MACF1: variants seen among roughly 807,000 people sequenced by gnomAD.
The protein encoded by MACF1 is microtubule actin crosslinking factor 1, also known as microtubule-actin cross-linking factor 1.
In MACF1, 193 loss-of-function variants were observed where a neutral mutation model predicts 854.8. That is an observed-to-expected ratio of 0.23 (90% CI 0.20 to 0.25). The LOEUF (loss-of-function observed/expected upper bound fraction) is 0.25. Among genes scored for constraint, MACF1 ranks in the 10% least tolerant of loss-of-function variants. MACF1 has a pLI of 1.00. For synonymous variants in MACF1, 3,185 were observed against 3,226.7 expected (o/e 0.99, Z 0.44); for missense variants, 7,722 against 8,929.1 (o/e 0.86, Z 5.45).
At chr1:39,407,069 C>G (rs1487794962) in intron 58 of MACF1, among the ~76,000 whole-genome samples, 6 of 152,170 alleles carry the variant, frequency 3.9e-5, no homozygotes, top group Admixed American at 3.9e-4. Context: ...TTCATCTGAA[C>G]AAACTGCAGA....
At chr1:39,477,090 T>TATATATATATACAC (rs1350608847) in intron 97 of MACF1, among the ~76,000 whole-genome samples, 2 of 26,256 alleles carry the variant, frequency 7.6e-5, no homozygotes, top group African/African-American at 1.3e-4. Context: ...TATATATATA[T>TATATATATATACAC]ACACACACAC....
At chr1:39,388,722 C>CAGTCAAG (rs1641893992) in intron 58 of MACF1, 64 bp downstream of exon 58, 1 of 1,430,844 alleles carries the variant, frequency 7.0e-7, no homozygotes, top group Admixed American at 2.3e-5. Flanking sequence ...ACTTGGAAAC[C>CAGTCAAG]AGTCAAGTAT....
chr1:39,226,920 T>C (rs1644723344), intron 1 of MACF1, among the ~76,000 whole-genome samples: 1 of 152,228 alleles, frequency 6.6e-6, no homozygotes, highest in Non-Finnish European at 1.5e-5. Flanking sequence ...TGTTTTTGGC[T>C]ATGAAGGTAA....
At chr1:39,362,304 C>T (rs1451227570) in intron 49 of MACF1, among the ~76,000 whole-genome samples, 1 of 152,202 alleles carries the variant, frequency 6.6e-6, no homozygotes, top group Non-Finnish European at 1.5e-5. Context: ...TGCATTGCTG[C>T]CTTCGCTTTA....
At chr1:39,346,102 G>A (rs929585984) in intron 40 of MACF1, among the ~76,000 whole-genome samples, 6 of 151,250 alleles carry the variant, frequency 4.0e-5, no homozygotes, top group South Asian at 2.1e-4. Flanking sequence ...GGTGGCTCAC[G>A]CCTGTAATCC....
intron 15 of MACF1, among the ~76,000 whole-genome samples, chr1:39,291,450 A>C (rs1645787319): frequency 1.3e-5 from 2 of 152,230 alleles, no homozygotes; most frequent in African/African-American, 4.8e-5. Flanking sequence ...TGTAACAATA[A>C]ATAAAAATAT....
At chr1:39,315,048 T>A (rs1646384159) in intron 26 of MACF1, among the ~76,000 whole-genome samples, 1 of 152,204 alleles carries the variant, frequency 6.6e-6, no homozygotes, top group African/African-American at 2.4e-5. Flanking sequence ...TGTAAAACAT[T>A]AACATGGTTC....
intron 58 of MACF1, among the ~76,000 whole-genome samples, chr1:39,394,780 T>C (rs1008053814): frequency 1.3e-5 from 2 of 152,176 alleles, no homozygotes; most frequent in African/African-American, 2.4e-5. Flanking sequence ...CACTGGAGGA[T>C]AGAGCAAATG....
intron 35 of MACF1, among the ~76,000 whole-genome samples, chr1:39,326,680 C>CAAAAAAAAAAAAAAAAAA (rs57108021): frequency 1.4e-5 from 1 of 72,748 alleles, no homozygotes; most frequent in Non-Finnish European, 2.6e-5. Flanking sequence ...GACTCCATCT[C>CAAAAAAAAAAAAAAAAAA]AAAAAAAAAA....
At chr1:39,252,290 G>C (rs1645048902) in intron 4 of MACF1, among the ~76,000 whole-genome samples, 2 of 152,144 alleles carry the variant, frequency 1.3e-5, no homozygotes, top group African/African-American at 4.8e-5. Flanking sequence ...AAATTTAGTT[G>C]ACAGCATGAC....
At chr1:39,155,140 T>C (rs914399567) in intron 2 of MACF1, among the ~76,000 whole-genome samples, 1 of 152,226 alleles carries the variant, frequency 6.6e-6, no homozygotes, top group African/African-American at 2.4e-5. Context: ...TCTCCAAGAA[T>C]ACAACTGGAG....
upstream of MACF1, among the ~76,000 whole-genome samples, chr1:39,202,051 C>G (rs1301258523): frequency 7.5e-6 from 1 of 134,078 alleles, no homozygotes; most frequent in Non-Finnish European, 1.5e-5. Flanking sequence ...ACTGCAAGCT[C>G]TGCCTCCCGG....
At chr1:39,450,606 A>AT (rs1644321983) in intron 84 of MACF1, among the ~76,000 whole-genome samples, 1 of 110,270 alleles carries the variant, frequency 9.1e-6, no homozygotes, top group African/African-American at 3.2e-5. Flanking sequence ...TTTTTACTCT[A>AT]TTTCTTTTTT....
intron 2 of MACF1, among the ~76,000 whole-genome samples, chr1:39,244,303 G>A (rs931064105): frequency 6.6e-6 from 1 of 151,348 alleles, no homozygotes; most frequent in African/African-American, 2.4e-5. Flanking sequence ...ATTTTTTGAG[G>A]TGGAGTCGTG....
In MACF1 at chr1:39,331,645, A is replaced by G. The variant is rs1174371856; in HGVS notation, c.5057A>G (p.His1686Arg). Reference protein sequence around the residue: ...FHQGLISAWLHSVLESYLRTS... With the variant: ...FHQGLISAWLRSVLESYLRTS... ...CAAGGCCTCATTTCTGCATGGCTTC[A>G]TTCAGTATTAGAGTCTTATCTTAGA... is the stretch of plus-strand genomic sequence containing the variant. The change falls in exon 37 of 101, where the codon CAT becomes CGT. Residue 1686 changes from histidine to arginine, a missense_variant. Physicochemically the swap from His to Arg is conservative, Grantham distance 29. Coordinates refer to ENST00000564288, the MANE Select transcript of MACF1 (RefSeq NM_001394062.1). 1 of 1,614,202 alleles carries G rather than the reference A, an allele frequency of 6.2e-7. No homozygotes were observed. The highest frequency in any genetic ancestry group is 2.2e-5 in the East Asian group (1 of 44,882).
In MACF1 at chr1:39,295,093, A is replaced by T; in HGVS notation, c.2202A>T (p.Leu734=). The change falls in exon 19 of 101, where the codon CTA becomes CTT. Residue 734 remains leucine, a synonymous_variant. Coordinates refer to ENST00000564288, the MANE Select transcript of MACF1 (RefSeq NM_001394062.1). ...AGAAACAGGATGTGTTTCGTTCTCTACAAGATACAGCAGAACTACTTTCAC... is the reference window on the plus strand; with the variant it reads ...AGAAACAGGATGTGTTTCGTTCTCTTCAAGATACAGCAGAACTACTTTCAC... The part of the protein sequence containing the change: ...LEEKQDVFRS[L]QDTAELLSLE... 6.2e-7 allele frequency: 1 copy of T among 1,614,142 alleles called. No individual in the cohort carries two copies. The highest frequency in any genetic ancestry group is 8.5e-7 in the Non-Finnish European group (1 of 1,180,000).
chr1:39,314,905 G>T (rs1646381791), intron 26 of MACF1, among the ~76,000 whole-genome samples: 1 of 152,118 alleles, frequency 6.6e-6, no homozygotes, highest in Non-Finnish European at 1.5e-5. Flanking sequence ...AATTGCTTGT[G>T]TGTGTTCTTA....
intron 2 of MACF1, among the ~76,000 whole-genome samples, chr1:39,112,542 G>A (rs1014037994): frequency 6.6e-6 from 1 of 152,114 alleles, no homozygotes; most frequent in African/African-American, 2.4e-5. Flanking sequence ...GTCAGGCATG[G>A]TGGTGCAATC....
chr1:39,099,924 T>G (rs1036673411), intron 2 of MACF1, among the ~76,000 whole-genome samples: 1 of 152,086 alleles, frequency 6.6e-6, no homozygotes, highest in Non-Finnish European at 1.5e-5. Flanking sequence ...TATAAAAAAT[T>G]TTTTTAAAAA....
Sources: allele counts gnomAD v4.1 joint callset (sites outside exome capture counted in the v4.1 genomes callset), GRCh38; gene constraint gnomAD v4.1.1; transcripts MANE v1.5; gene names NCBI Gene and HGNC (gene_info 2026-07-23, HGNC 2026-07-21).